MACROD2: variants seen among roughly 807,000 people sequenced by gnomAD.
MACROD2 encodes ADP-ribose glycohydrolase MACROD2.
MACROD2 carries 36 observed loss-of-function variants against 70.4 expected under a neutral mutation model. The observed-to-expected ratio is 0.51, with a 90% CI of 0.39 to 0.68. The LOEUF (loss-of-function observed/expected upper bound fraction) is 0.68. Ranked by LOEUF, MACROD2 falls within the 30% of genes least tolerant of loss-of-function variation. The probability of loss-of-function intolerance (pLI) is 0.00; values close to 1 mark genes in which losing one functional copy is unlikely to be tolerated. For missense variants in MACROD2, 496 were observed against 538.4 expected (o/e 0.92, Z 0.78); for synonymous variants, 172 against 178.8 (o/e 0.96, Z 0.30).
intron 5 of MACROD2, among the ~76,000 whole-genome samples, chr20:15,215,131 G>T (rs763872812): frequency 6.6e-6 from 1 of 151,908 alleles, no homozygotes; most frequent in South Asian, 2.1e-4. Context: ...TAAAAGATGA[G>T]GTATAAAATA....
At chr20:14,955,992 T>C (rs2074533279) in intron 5 of MACROD2, among the ~76,000 whole-genome samples, 1 of 152,148 alleles carries the variant, frequency 6.6e-6, no homozygotes, top group African/African-American at 2.4e-5. Context: ...GAAAGAATTC[T>C]TACTGTTTAG....
At chr20:14,035,533 A>G (rs893208740) in intron 2 of MACROD2, among the ~76,000 whole-genome samples, 3 of 152,230 alleles carry the variant, frequency 2.0e-5, no homozygotes, top group African/African-American at 7.2e-5. Context: ...AGCAATATGT[A>G]AAATATCAGA....
intron 6 of MACROD2, among the ~76,000 whole-genome samples, chr20:15,370,252 C>T (rs1360144302): frequency 6.6e-6 from 1 of 151,992 alleles, no homozygotes; most frequent in East Asian, 1.9e-4. Flanking sequence ...GGGATGTGTG[C>T]TTATTGTATA....
intron 5 of MACROD2, among the ~76,000 whole-genome samples, chr20:14,838,850 G>A (rs545867272): frequency 9.2e-5 from 14 of 152,030 alleles, no homozygotes; most frequent in Non-Finnish European, 1.8e-4. Flanking sequence ...CCCACCCTTT[G>A]CCACCTCCCC....
At chr20:15,154,723 TCCACCC>T (rs2076295006) in intron 5 of MACROD2, among the ~76,000 whole-genome samples, 1 of 152,168 alleles carries the variant, frequency 6.6e-6, no homozygotes, top group Non-Finnish European at 1.5e-5. Flanking sequence ...TCATAAGGGC[TCCACCC>T]TCAGGGCTCG....
intron 3 of MACROD2, among the ~76,000 whole-genome samples, chr20:14,158,133 A>G (rs1212233615): frequency 6.6e-6 from 1 of 152,042 alleles, no homozygotes; most frequent in Non-Finnish European, 1.5e-5. Flanking sequence ...GGGTAAGATG[A>G]TAGGTATCTC....
intron 5 of MACROD2, among the ~76,000 whole-genome samples, chr20:15,153,671 G>A (rs368466601): frequency 6.6e-6 from 1 of 152,190 alleles, no homozygotes; most frequent in Non-Finnish European, 1.5e-5. Context: ...CATACTGAAT[G>A]ATTCCAATTA....
intron 5 of MACROD2, among the ~76,000 whole-genome samples, chr20:14,777,957 A>G (rs1043768067): frequency 2.6e-5 from 4 of 152,114 alleles, no homozygotes; most frequent in African/African-American, 9.7e-5. Flanking sequence ...ACAAACCAGC[A>G]GGAAGAAGTA....
intron 5 of MACROD2, among the ~76,000 whole-genome samples, chr20:15,096,034 C>A (rs1333432725): frequency 6.6e-6 from 1 of 152,104 alleles, no homozygotes; most frequent in Non-Finnish European, 1.5e-5. Context: ...GATTAGCTAA[C>A]AAAAGAGTGT....
At chr20:15,797,395 G>C (rs551365211) in intron 8 of MACROD2, among the ~76,000 whole-genome samples, 35 of 152,308 alleles carry the variant, frequency 2.3e-4, no homozygotes, top group Middle Eastern at 3.4e-3. Context: ...GATTACAGGC[G>C]TGAGCCACCG....
chr20:14,669,174 G>A (rs1024696779), intron 4 of MACROD2, among the ~76,000 whole-genome samples: 1 of 152,158 alleles, frequency 6.6e-6, no homozygotes. Context: ...ATCTTTATGT[G>A]TGTAGTTTGG....
chr20:15,310,744 G>A (rs2077743385), intron 6 of MACROD2, among the ~76,000 whole-genome samples: 1 of 152,080 alleles, frequency 6.6e-6, no homozygotes, highest in Admixed American at 6.6e-5. Flanking sequence ...TAAGGGAAAG[G>A]TGAAATCCAG....
chr20:14,862,192 TACATAA>T (rs2073343686), intron 5 of MACROD2, among the ~76,000 whole-genome samples: 1 of 23,854 alleles, frequency 4.2e-5, no homozygotes, highest in South Asian at 1.6e-3. Flanking sequence ...TATATATTTA[TACATAA>T]ATATATAAAT....
chr20:14,416,106 A>C (rs908764508), intron 3 of MACROD2, among the ~76,000 whole-genome samples: 3 of 151,654 alleles, frequency 2.0e-5, no homozygotes, highest in Admixed American at 6.6e-5. Flanking sequence ...TTACAGGCAC[A>C]CACCACCACG....
At chr20:15,239,183 GA>G (rs1190490985) in intron 6 of MACROD2, among the ~76,000 whole-genome samples, 50 of 119,108 alleles carry the variant, frequency 4.2e-4, no homozygotes, top group African/African-American at 1.5e-3. Context: ...CAAATGTTCA[GA>G]TTTTTTTTTT....
chr20:14,118,907 G>A (rs112910390), intron 3 of MACROD2, among the ~76,000 whole-genome samples: 2,537 of 147,220 alleles, frequency 0.017, 55 homozygotes, highest in African/African-American at 0.051. Flanking sequence ...GTGCAATGGC[G>A]CGATCTCAGC....
chr20:14,950,976 G>A (rs1453715327), intron 5 of MACROD2, among the ~76,000 whole-genome samples: 1 of 152,188 alleles, frequency 6.6e-6, no homozygotes, highest in Non-Finnish European at 1.5e-5. Context: ...AGAAGGGGGA[G>A]ATACTTCAAG....
chr20:15,013,790 A>G (rs939858000), intron 5 of MACROD2, among the ~76,000 whole-genome samples: 1 of 152,200 alleles, frequency 6.6e-6, no homozygotes, highest in Admixed American at 6.5e-5. Flanking sequence ...CCTTCCAGGG[A>G]GCCCAACCTA....
intron 2 of MACROD2, among the ~76,000 whole-genome samples, chr20:14,003,103 G>A (rs1601099085): frequency 6.6e-6 from 1 of 152,194 alleles, no homozygotes; most frequent in Non-Finnish European, 1.5e-5. Flanking sequence ...GACAAACGGT[G>A]CTTCTTAAGG....
Sources: allele counts gnomAD v4.1 joint callset (sites outside exome capture counted in the v4.1 genomes callset), GRCh38; gene constraint gnomAD v4.1.1; transcripts MANE v1.5; gene names NCBI Gene and HGNC (gene_info 2026-07-23, HGNC 2026-07-21).